ZMYM2: variants seen among roughly 807,000 people sequenced by gnomAD.
ZMYM2 encodes zinc finger MYM-type protein 2.
Under a neutral mutation model 162.8 loss-of-function variants are expected in ZMYM2, and 56 were observed. That is an observed-to-expected ratio of 0.34 (90% confidence interval 0.28 to 0.43). The LOEUF is 0.43. Among genes scored for constraint, ZMYM2 ranks in the 20% least tolerant of loss-of-function variants. ZMYM2 has a pLI of 1.00. For missense variants in ZMYM2, 1,275 were observed against 1,621.8 expected, an observed-to-expected ratio of 0.79 and a Z score of 3.67; for synonymous variants, 510 against 541.6, an observed-to-expected ratio of 0.94 and a Z score of 0.81.
intron 19 of ZMYM2, among the ~76,000 whole-genome samples, chr13:20,065,527 A>G (rs566488182): frequency 5.3e-4 from 81 of 152,300 alleles, no homozygotes; most frequent in African/African-American, 1.7e-3. Flanking sequence ...GGCCAGGCAC[A>G]GTGGCACCTG....
At chr13:20,066,807 G>GTT in intron 19 of ZMYM2, 44 bp from the exon 20 acceptor site, 1 of 1,472,024 alleles carries the variant, frequency 6.8e-7, no homozygotes, top group East Asian at 2.5e-5. Flanking sequence ...ATGAAATAAT[G>GTT]TAGGCTTTAA....
intron 2 of ZMYM2, among the ~76,000 whole-genome samples, chr13:19,977,012 T>G (rs1404207972): frequency 2.0e-5 from 3 of 152,224 alleles, no homozygotes; most frequent in Admixed American, 6.5e-5. Flanking sequence ...GAACGAACCT[T>G]TCATCAATAT....
intron 2 of ZMYM2, among the ~76,000 whole-genome samples, chr13:19,990,689 A>G (rs776403454): frequency 4.6e-5 from 7 of 152,186 alleles, no homozygotes; most frequent in Non-Finnish European, 1.0e-4. Context: ...AAAGCAATAC[A>G]TATTAGTCTC....
the ZMYM2 span, among the ~76,000 whole-genome samples, chr13:19,922,281 A>T: frequency 6.6e-6 from 1 of 152,158 alleles, no homozygotes; most frequent in Non-Finnish European, 1.5e-5. Context: ...CTTGTCAGGA[A>T]TTCTCATTGG....
chr13:19,945,631 CATTCTT>C, the ZMYM2 span, among the ~76,000 whole-genome samples: 5 of 152,124 alleles, frequency 3.3e-5, no homozygotes, highest in Non-Finnish European at 7.4e-5. Flanking sequence ...TTTTAGCTAT[CATTCTT>C]GAAGATTAGC....
the ZMYM2 span, among the ~76,000 whole-genome samples, chr13:19,926,601 T>C: frequency 6.6e-6 from 1 of 152,112 alleles, no homozygotes; most frequent in African/African-American, 2.4e-5. Context: ...TGTCCTCAAG[T>C]GATCCACCCA....
At chr13:19,921,651 T>C in the ZMYM2 span, among the ~76,000 whole-genome samples, 1 of 152,216 alleles carries the variant, frequency 6.6e-6, no homozygotes, top group Non-Finnish European at 1.5e-5. Context: ...CACCTCAAAA[T>C]TATAAACATA....
chr13:19,964,320 T>G (rs9578238), intron 2 of ZMYM2, among the ~76,000 whole-genome samples: 15,625 of 151,808 alleles, frequency 0.1, 1,316 homozygotes, highest in African/African-American at 0.22. Context: ...AGGTTGCAGT[T>G]AGCCAAGATT....
intron 21 of ZMYM2, among the ~76,000 whole-genome samples, chr13:20,075,670 CTTTTTTTTTTTTTTTTTTT>C (rs56664916): frequency 4.0e-5 from 3 of 75,738 alleles, no homozygotes; most frequent in African/African-American, 1.1e-4. Context: ...CTATAGACAC[CTTTTTTTTTTTTTTTTTTT>C]TTTTTTTTTT....
chr13:20,078,419 G>A (rs937202597), intron 21 of ZMYM2, among the ~76,000 whole-genome samples: 16 of 152,252 alleles, frequency 1.1e-4, no homozygotes, highest in African/African-American at 3.1e-4. Context: ...TGCACACAGT[G>A]TTTCTTGCTT....
intron 7 of ZMYM2, chr13:20,025,541 G>A (rs1333191511): frequency 6.2e-6 from 1 of 160,292 alleles, no homozygotes; most frequent in East Asian, 1.4e-4. Flanking sequence ...ACCCAGGCTG[G>A]TCTCAAACTC....
At chr13:20,042,734 A>AT (rs928569077) in intron 12 of ZMYM2, among the ~76,000 whole-genome samples, 3 of 140,846 alleles carry the variant, frequency 2.1e-5, no homozygotes, top group South Asian at 2.3e-4. Flanking sequence ...ATTTTTTTTT[A>AT]TTTTTTTGAG....
chr13:19,993,649 G>T lies in ZMYM2; in HGVS notation c.577G>T (p.Gly193Cys), dbSNP rs1305702796. 2 of 1,614,084 alleles carry T rather than the reference G, an allele frequency of 1.2e-6. No homozygotes were observed. Among genetic ancestry groups the T allele is most frequent in the South Asian group, 2.2e-5 (2 of 91,086 alleles). ...QIANVTTLET[G>C]VSSVNDGQLE... is the part of the protein sequence containing the mutation. ...TGCTAATGTTACAACTTTAGAAACA[G>T]GTGTAAGCTCTGTGAATGATGGCCA... The change falls in exon 3 of 25, where the codon GGT (glycine) becomes TGT (cysteine). Residue 193 changes from glycine to cysteine, a missense_variant. Around this residue, in one of 10 missense-constraint regions of ZMYM2, gnomAD observed 295 missense variants for 286.7 expected, o/e 1.03. Coordinates refer to ENST00000610343, the MANE Select transcript of ZMYM2 (RefSeq NM_197968.4).
At chr13:20,006,342 GT>G (rs1950749180) in intron 5 of ZMYM2, 31 bp from the exon 6 acceptor site, 1 of 1,538,154 alleles carries the variant, frequency 6.5e-7, no homozygotes, top group African/African-American at 1.4e-5. Context: ...AGATTGATCT[GT>G]TTTGTAAGAT....
At chr13:19,985,731 C>T (rs1949080293) in intron 2 of ZMYM2, among the ~76,000 whole-genome samples, 2 of 151,148 alleles carry the variant, frequency 1.3e-5, no homozygotes, top group South Asian at 2.1e-4. Context: ...AAAAATTTGG[C>T]CGGGCGTGGT....
At chr13:20,082,688 A>G in intron 22 of ZMYM2, 93 bp from the exon 23 acceptor site, 1 of 1,110,916 alleles carries the variant, frequency 9.0e-7, no homozygotes, top group Middle Eastern at 3.1e-4. Context: ...ATTGGTATAG[A>G]TTTGTCCTTA....
chr13:20,039,599 G>C (rs576567404), intron 12 of ZMYM2, among the ~76,000 whole-genome samples: 4 of 150,506 alleles, frequency 2.7e-5, no homozygotes, highest in Admixed American at 2.0e-4. Flanking sequence ...TCACCCTCCC[G>C]AGTAGCTGGG....
At chr13:20,058,866 C>T (rs1340689875) in intron 15 of ZMYM2, 162 bp downstream of exon 15, 7 of 890,448 alleles carry the variant, frequency 7.9e-6, no homozygotes, top group South Asian at 1.3e-5. Flanking sequence ...CTGGAGAATA[C>T]AGCATCTCAT....
intron 18 of ZMYM2, among the ~76,000 whole-genome samples, chr13:20,063,886 AAT>A (rs1426754463): frequency 1.1e-4 from 1 of 9,424 alleles, no homozygotes; most frequent in Non-Finnish European, 7.3e-4. Flanking sequence ...TACAATATAT[AAT>A]ATAAATATAA....
Sources: allele counts gnomAD v4.1 joint callset (sites outside exome capture counted in the v4.1 genomes callset), GRCh38; gene constraint gnomAD v4.1.1; regional missense constraint gnomAD v4.1.1; transcripts MANE v1.5; gene names NCBI Gene and HGNC (gene_info 2026-07-23, HGNC 2026-07-21).